The following DYNC1I1 variants were observed in gnomAD, a reference collection of about 807,000 sequenced individuals.
DYNC1I1 encodes the protein dynein cytoplasmic 1 intermediate chain 1.
Under a neutral mutation model 86.6 loss-of-function variants are expected in DYNC1I1, and 43 were observed. The ratio of observed to expected loss-of-function variants is 0.50; its 90% confidence interval spans 0.39 to 0.64. DYNC1I1 has a LOEUF of 0.64. Among genes scored for constraint, DYNC1I1 ranks in the 30% least tolerant of loss-of-function variants. The probability of loss-of-function intolerance (pLI) is 0.00; values close to 1 mark genes in which losing one functional copy is unlikely to be tolerated. For missense variants in DYNC1I1, 604 were observed against 788.8 expected, an observed-to-expected ratio of 0.77 and a Z score of 2.81; for synonymous variants, 262 against 283.7, an observed-to-expected ratio of 0.92 and a Z score of 0.77.
At chr7:95,931,786 A>G (rs1791905683) in intron 6 of DYNC1I1, among the ~76,000 whole-genome samples, 1 of 152,182 alleles carries the variant, frequency 6.6e-6, no homozygotes, top group Non-Finnish European at 1.5e-5. Context: ...CGCTTTACAG[A>G]AAAATTTTGT....
At chr7:95,817,212 A>AT (rs1794965924) in intron 4 of DYNC1I1, among the ~76,000 whole-genome samples, 1 of 148,024 alleles carries the variant, frequency 6.8e-6, no homozygotes, top group African/African-American at 2.5e-5. Context: ...AACATCCAAG[A>AT]TTAAAAAAAA....
At chr7:95,831,002 C>T (rs865925242) in intron 5 of DYNC1I1, among the ~76,000 whole-genome samples, 39 of 152,134 alleles carry the variant, frequency 2.6e-4, no homozygotes, top group African/African-American at 9.4e-4. Flanking sequence ...GCTTATTTGC[C>T]ATATGAGTAT....
At chr7:95,988,357 T>TCAAAAAA (rs1793648754) in intron 9 of DYNC1I1, among the ~76,000 whole-genome samples, 1 of 151,988 alleles carries the variant, frequency 6.6e-6, no homozygotes, top group South Asian at 2.1e-4. Context: ...AGACTCCATC[T>TCAAAAAA]CAAAAAACAA....
intron 5 of DYNC1I1, 68 bp from the exon 6 acceptor site, chr7:95,869,815 T>G: frequency 6.9e-7 from 1 of 1,452,586 alleles, no homozygotes; most frequent in Admixed American, 1.8e-5. Flanking sequence ...GTGCTTTCTT[T>G]TATTACTGAT....
chr7:95,977,438 T>C, intron 6 of DYNC1I1, 74 bp from the exon 7 acceptor site: 1 of 1,420,670 alleles, frequency 7.0e-7, no homozygotes, highest in South Asian at 1.3e-5. Flanking sequence ...CCTTTACCCC[T>C]ACCTCCCACT....
intron 13 of DYNC1I1, among the ~76,000 whole-genome samples, chr7:96,037,222 C>A (rs1345028108): frequency 6.6e-6 from 1 of 152,166 alleles, no homozygotes; most frequent in African/African-American, 2.4e-5. Flanking sequence ...ACAGTCCATT[C>A]CCAATGATCC....
chr7:96,084,746 C>T (rs1425651679), intron 16 of DYNC1I1, among the ~76,000 whole-genome samples: 1 of 151,914 alleles, frequency 6.6e-6, no homozygotes, highest in Non-Finnish European at 1.5e-5. Context: ...CTTAAAACTA[C>T]TTAAAAATGT....
At chr7:95,793,992 G>A (rs972784690) in intron 1 of DYNC1I1, among the ~76,000 whole-genome samples, 3 of 152,234 alleles carry the variant, frequency 2.0e-5, no homozygotes, top group Admixed American at 2.0e-4. Context: ...TAGGCGCACA[G>A]ATGCATAATT....
intron 10 of DYNC1I1, among the ~76,000 whole-genome samples, chr7:96,006,291 C>T (rs542014198): frequency 5.3e-5 from 8 of 152,218 alleles, no homozygotes; most frequent in Admixed American, 1.3e-4. Flanking sequence ...AGAATCCAGG[C>T]GCTTCATCAC....
At chr7:95,942,576 G>T (rs1486545375) in intron 6 of DYNC1I1, among the ~76,000 whole-genome samples, 1 of 152,098 alleles carries the variant, frequency 6.6e-6, no homozygotes, top group East Asian at 1.9e-4. Flanking sequence ...ACAAAAAAGA[G>T]AATTTTAGAC....
intron 6 of DYNC1I1, among the ~76,000 whole-genome samples, chr7:95,968,305 A>G (rs906361053): frequency 6.6e-6 from 1 of 152,176 alleles, no homozygotes; most frequent in Non-Finnish European, 1.5e-5. Flanking sequence ...GCTAGAGAAC[A>G]TGTACTAATA....
chr7:96,059,940 T>A (rs1026328118), intron 14 of DYNC1I1, among the ~76,000 whole-genome samples: 3 of 152,218 alleles, frequency 2.0e-5, no homozygotes, highest in Non-Finnish European at 4.4e-5. Context: ...TGGCTTAGAC[T>A]CTGTTCTAAA....
chr7:95,869,299 G>A (rs1247390349), intron 5 of DYNC1I1, among the ~76,000 whole-genome samples: 1 of 152,092 alleles, frequency 6.6e-6, no homozygotes, highest in Non-Finnish European at 1.5e-5. Flanking sequence ...ATCACTCTGA[G>A]CCCAGTGCCC....
intron 6 of DYNC1I1, among the ~76,000 whole-genome samples, chr7:95,925,988 C>G (rs193024562): frequency 6.6e-6 from 1 of 152,194 alleles, no homozygotes; most frequent in East Asian, 1.9e-4. Context: ...AAACAAGGAG[C>G]CCTGTTGCAT....
chr7:95,998,261 C>T (rs1440075320), intron 10 of DYNC1I1, among the ~76,000 whole-genome samples: 1 of 152,264 alleles, frequency 6.6e-6, no homozygotes, highest in Non-Finnish European at 1.5e-5. Flanking sequence ...CTATCGCATA[C>T]ATCGTGCCAT....
At chr7:95,847,270 G>C (rs534787397) in intron 5 of DYNC1I1, among the ~76,000 whole-genome samples, 36 of 151,996 alleles carry the variant, frequency 2.4e-4, no homozygotes, top group African/African-American at 8.2e-4. Context: ...GTGCTTTCTC[G>C]TCACCCTGGA....
chr7:95,814,203 T>C (rs369431962), intron 4 of DYNC1I1, among the ~76,000 whole-genome samples: 4 of 152,168 alleles, frequency 2.6e-5, no homozygotes, highest in African/African-American at 9.7e-5. Flanking sequence ...TTTTTCCGCA[T>C]TTTCCAGTTT....
intron 6 of DYNC1I1, among the ~76,000 whole-genome samples, chr7:95,931,981 A>G (rs1430078604): frequency 1.3e-5 from 2 of 152,178 alleles, no homozygotes; most frequent in Non-Finnish European, 2.9e-5. Context: ...ATGCAATTTT[A>G]TATTTACTAT....
chr7:95,940,540 C>G (rs1156350298), intron 6 of DYNC1I1, among the ~76,000 whole-genome samples: 3 of 152,116 alleles, frequency 2.0e-5, no homozygotes, highest in Admixed American at 2.0e-4. Flanking sequence ...CGCTTCATTT[C>G]ATTCATTTCA....
Sources: gnomAD v4.1 joint callset for allele counts (sites outside exome capture counted in the v4.1 genomes callset) on GRCh38, gnomAD v4.1.1 for gene constraint, MANE v1.5 for transcripts, NCBI Gene and HGNC (gene_info 2026-07-23, HGNC 2026-07-21) for gene names.